Variants in USP31 observed in about 807,000 individuals in gnomAD.
USP31 encodes the protein ubiquitin carboxyl-terminal hydrolase 31.
Under a neutral mutation model 119.4 loss-of-function variants are expected in USP31, and 44 were observed. The observed-to-expected ratio is 0.37, with a 90% CI of 0.29 to 0.47. The LOEUF (loss-of-function observed/expected upper bound fraction) is 0.47, where lower values mean the gene tolerates loss of function less well. USP31 is among the 20% of genes least tolerant of loss of function. USP31 has a pLI of 0.99. For missense variants in USP31, 1,643 were observed against 1,730.2 expected (o/e 0.95, Z 0.89); for synonymous variants, 749 against 705.6 (o/e 1.06, Z -0.97).
In USP31 at chr16:23,071,419, C is replaced by T. The variant is rs546385902; in HGVS notation, c.2488+626G>A. Among the ~76,000 whole-genome samples, 6 of 148,870 alleles carry T rather than the reference C, an allele frequency of 4.0e-5. No individual in the cohort carries two copies. The South Asian group carries it at 1.3e-3, about 32-fold the overall frequency. ...CTTCCCACACCACCTGGGTCCCTGT[C>T]GAAACTAAGGTCTATCCTGCCATTA... On this transcript the variant is annotated intron_variant, in intron 15 of 15. Transcript: ENST00000219689.
chr16:23,087,921 G>A, intron 7 of USP31, 86 bp from the exon 8 acceptor site: 1 of 1,170,782 alleles, frequency 8.5e-7, no homozygotes, highest in Non-Finnish European at 1.2e-6. Context: ...TCTTAAAACG[G>A]AATCACAATA....
At chr16:23,099,333 G>A (rs1490352919) in intron 6 of USP31, among the ~76,000 whole-genome samples, 2 of 152,298 alleles carry the variant, frequency 1.3e-5, no homozygotes, top group East Asian at 3.9e-4. Flanking sequence ...ATGCTGGAGA[G>A]GATGTGGAGA....
intron 1 of USP31, among the ~76,000 whole-genome samples, chr16:23,113,997 T>C (rs1190513966): frequency 6.6e-6 from 1 of 151,966 alleles, no homozygotes; most frequent in Non-Finnish European, 1.5e-5. Context: ...CCCAGCTATT[T>C]AGGCGACTGA....
chr16:23,107,937 C>A (rs1902174173), intron 2 of USP31, 109 bp downstream of exon 2: 1 of 1,353,336 alleles, frequency 7.4e-7, no homozygotes. Flanking sequence ...TATACTCACC[C>A]AGAGCTTAGT....
intron 1 of USP31, among the ~76,000 whole-genome samples, chr16:23,147,514 A>G (rs1253637554): frequency 1.3e-5 from 2 of 152,184 alleles, no homozygotes; most frequent in Non-Finnish European, 2.9e-5. Flanking sequence ...CCAATTTCTT[A>G]GTGCATCCTA....
chr16:23,110,149 A>G (rs1902259814), intron 1 of USP31, among the ~76,000 whole-genome samples: 1 of 152,242 alleles, frequency 6.6e-6, no homozygotes. Context: ...TGGAAACTCT[A>G]TGCTACCTTT....
At chr16:23,136,653 CAAA>C (rs200523344) in intron 1 of USP31, among the ~76,000 whole-genome samples, 1 of 76,328 alleles carries the variant, frequency 1.3e-5, no homozygotes. Flanking sequence ...GACTTCATCT[CAAA>C]AAAAAAAAAA....
intron 1 of USP31, among the ~76,000 whole-genome samples, chr16:23,126,321 A>T (rs1902851407): frequency 8.3e-6 from 1 of 120,474 alleles, no homozygotes; most frequent in South Asian, 3.3e-4. Flanking sequence ...CTGTCTCTTT[A>T]AAAAAAAAAA....
At chr16:23,105,656 G>T (rs1246694532) in intron 4 of USP31, 80 bp from the exon 5 acceptor site, 3 of 1,374,456 alleles carry the variant, frequency 2.2e-6, no homozygotes, top group Non-Finnish European at 1.9e-6. Context: ...AACCTGAGAC[G>T]AAATCAACAA....
At chr16:23,139,500 A>G (rs2141902427) in intron 1 of USP31, among the ~76,000 whole-genome samples, 1 of 152,312 alleles carries the variant, frequency 6.6e-6, no homozygotes, top group East Asian at 1.9e-4. Flanking sequence ...TGTAAAGCAA[A>G]CCAGGTGTCA....
At chr16:23,128,401 A>G (rs930807607) in intron 1 of USP31, among the ~76,000 whole-genome samples, 27 of 152,226 alleles carry the variant, frequency 1.8e-4, no homozygotes, top group African/African-American at 6.5e-4. Flanking sequence ...TTGAGCATCA[A>G]TAAGGTTAAA....
At chr16:23,118,498 T>A (rs1478242657) in intron 1 of USP31, among the ~76,000 whole-genome samples, 1 of 152,094 alleles carries the variant, frequency 6.6e-6, no homozygotes, top group African/African-American at 2.4e-5. Context: ...AAGCCAAGTC[T>A]GAGAACGAAC....
At chr16:23,115,268 T>G (rs1311650007) in intron 1 of USP31, among the ~76,000 whole-genome samples, 3 of 152,250 alleles carry the variant, frequency 2.0e-5, no homozygotes, top group African/African-American at 7.2e-5. Flanking sequence ...TCTTTCTGTA[T>G]GTTTGCAGTT....
At chr16:23,124,359 T>A (rs1902777723) in intron 1 of USP31, among the ~76,000 whole-genome samples, 1 of 152,188 alleles carries the variant, frequency 6.6e-6, no homozygotes. Flanking sequence ...AAGGATCTGA[T>A]GTTCAAATAA....
chr16:23,078,185 G>A (rs1900663952), intron 13 of USP31, among the ~76,000 whole-genome samples: 1 of 151,752 alleles, frequency 6.6e-6, no homozygotes, highest in Non-Finnish European at 1.5e-5. Flanking sequence ...GGTGGTGTGT[G>A]CCTGTAGTCC....
intron 1 of USP31, among the ~76,000 whole-genome samples, chr16:23,128,044 C>T (rs975835850): frequency 6.6e-6 from 1 of 152,120 alleles, no homozygotes; most frequent in Non-Finnish European, 1.5e-5. Context: ...GGATTTTCAG[C>T]ATGGGAGGAA....
intron 10 of USP31, among the ~76,000 whole-genome samples, chr16:23,085,269 C>G (rs1434137001): frequency 6.6e-6 from 1 of 152,196 alleles, no homozygotes; most frequent in Admixed American, 6.5e-5. Context: ...CATCTAAGAA[C>G]ATGCATCTGA....
In USP31 at chr16:23,106,144, T is replaced by C. The variant is rs935373667; in HGVS notation, c.953+69A>G. On this transcript the variant is annotated intron_variant, in intron 4 of 15. Coordinates refer to ENST00000219689, the MANE Select transcript of USP31 (RefSeq NM_020718.4). The stretch of plus-strand genomic sequence containing the variant: ...TGTCTAAATAAGTAAGAAGACCTAA[T>C]AGGAGCCTACAGAGGCAAAGGGATA... 66 of 1,524,710 alleles carry C rather than the reference T, an allele frequency of 4.3e-5. No individual in the cohort carries two copies. The Middle Eastern group carries it at 2.0e-3, about 46-fold the overall frequency. The allele number at this position is 1,524,710 out of a possible 1,614,324, so 94.4% of individuals were successfully genotyped here.
At chr16:23,094,808 A>G (rs1382681387) in intron 6 of USP31, among the ~76,000 whole-genome samples, 1 of 151,106 alleles carries the variant, frequency 6.6e-6, no homozygotes, top group African/African-American at 2.4e-5. Context: ...GAATAGCACC[A>G]ACATCAACAA....
Sources: allele counts gnomAD v4.1 joint callset (sites outside exome capture counted in the v4.1 genomes callset), GRCh38; gene constraint gnomAD v4.1.1; transcripts MANE v1.5; gene names NCBI Gene and HGNC (gene_info 2026-07-23, HGNC 2026-07-21).